The following TSEN54 variants were observed in gnomAD, a reference collection of about 807,000 sequenced individuals.
TSEN54 encodes tRNA splicing endonuclease subunit 54.
TSEN54 carries 55 observed loss-of-function variants against 61.9 expected under a neutral mutation model. The observed-to-expected ratio is 0.89, with a 90% CI of 0.72 to 1.11. TSEN54 has a LOEUF of 1.11. TSEN54 is among the 50% of genes most tolerant of loss of function. The pLI is 0.00. For missense variants in TSEN54, 760 were observed against 687.7 expected (o/e 1.11, Z -1.18); for synonymous variants, 304 against 288.7 (o/e 1.05, Z -0.54).
At position 75,521,691 on chromosome 17, in the gene TSEN54, C is replaced by T; in HGVS notation, c.624-14C>T. On this transcript the variant is annotated splice_polypyrimidine_tract_variant and intron_variant, in intron 7 of 10. Transcript: ENST00000333213. ...CCAGGGGCAGATGTGCTGCTTTTCC[C>T]CCACGTCCCTCAGGTCCATTAATAA... 1.2e-6 allele frequency: 2 copies of T among 1,612,776 alleles called. No homozygotes were observed. The highest frequency in any genetic ancestry group is 1.7e-4 in the Middle Eastern group (1 of 6,060).
chr17:75,522,187 ATCCCG>A lies in TSEN54; in HGVS notation c.1107_1111del (p.Asp369GlufsTer64). 1.3e-6 allele frequency: 2 copies of A among 1,549,492 alleles called. No individual in the cohort carries two copies. The highest frequency in any genetic ancestry group is 2.4e-5 in the South Asian group (2 of 84,272). ...CAGTTCCAGGAAGATGTCAACGCCG[ATCCCG>A]AGGTGCAGCGGTGCTCCAGCTGGCG... is the stretch of plus-strand genomic sequence containing the variant. On this transcript the variant is annotated frameshift_variant, in exon 8 of 11. Coordinates refer to ENST00000333213, the MANE Select transcript of TSEN54 (RefSeq NM_207346.3). LOFTEE classifies it high-confidence loss of function.
In TSEN54 at chr17:75,522,207, T is replaced by C; in HGVS notation, c.1126T>C (p.Ser376Pro). Reference sequence around the variant, plus strand: ...CGCCGATCCCGAGGTGCAGCGGTGCTCCAGCTGGCGGGAGTACAAGGAGCT... The same window carrying C: ...CGCCGATCCCGAGGTGCAGCGGTGCCCCAGCTGGCGGGAGTACAAGGAGCT... The part of the protein sequence containing the change: ...VNADPEVQRC[S>P]SWREYKELLQ... Residue 376 changes from serine to proline, a missense_variant, in exon 8 of 11, where the codon TCC (serine) becomes CCC (proline). This residue lies in a region of TSEN54 where 667 missense variants were observed against 577.8 expected (regional missense o/e 1.15). Transcript: ENST00000333213. The C allele has an allele frequency of 1.3e-6, 2 of 1,547,868 alleles. No individual in the cohort carries two copies. Among genetic ancestry groups the C allele is most frequent in the Non-Finnish European group, 1.7e-6 (2 of 1,144,384 alleles).
chr17:75,518,315 A>G (rs1370990495), intron 5 of TSEN54, among the ~76,000 whole-genome samples: 1 of 152,176 alleles, frequency 6.6e-6, no homozygotes, highest in African/African-American at 2.4e-5. Flanking sequence ...GCTGTATGGG[A>G]GTGCCATCAG....
At position 75,523,766 on chromosome 17, in the gene TSEN54, A is replaced by G. The variant is rs141822287; in HGVS notation, c.1417A>G (p.Met473Val). The part of the protein sequence containing the change: ...KNNPGKPYAR[M>V]CISGFDEPVP... ...TAACCCTGGCAAACCCTATGCCCGG[A>G]TGTGCATTAGTGGGTACGCAGTGAG... The change falls in exon 10 of 11, where the codon ATG becomes GTG. Residue 473 changes from methionine (M) to valine (V), a missense_variant. Met to Val is a conservative substitution (Grantham distance 21, BLOSUM62 1). Transcript: ENST00000333213. 1.9e-6 allele frequency: 3 copies of G among 1,613,700 alleles called. No individual in the cohort carries two copies. Among genetic ancestry groups the G allele is most frequent in the Admixed American group, 1.7e-5 (1 of 59,980 alleles).
Position 75,519,165 on chromosome 17 carries a change from G to A in TSEN54, c.521+118G>A, listed in dbSNP as rs890400713. On this transcript the variant is annotated intron_variant, in intron 6 of 10. Coordinates refer to ENST00000333213, the MANE Select transcript of TSEN54 (RefSeq NM_207346.3). ...CCCTTGGCTGGAGTGCAGTTCCTTG[G>A]GCACAGACTGGGGGCGCCTGCTGGA... 6.0e-6 allele frequency: 7 copies of A among 1,169,066 alleles called. No individual in the cohort carries two copies. In the Admixed American group the frequency reaches 6.8e-5, roughly 11 times the overall value. The allele number at this position is 1,169,066 out of a possible 1,614,324, so 72.4% of individuals were successfully genotyped here. A position where few individuals can be genotyped will look rare whatever the true frequency, so the allele number is the denominator to read the frequency against.
At position 75,516,855 on chromosome 17, in the gene TSEN54, C is replaced by T. The variant is rs1238085268; in HGVS notation, c.166C>T (p.Arg56Cys). The change falls in exon 2 of 11, where the codon CGC becomes TGC. Residue 56 changes from arginine to cysteine, a missense_variant. Coordinates refer to ENST00000333213, the MANE Select transcript of TSEN54 (RefSeq NM_207346.3). ...DGSAAQAERL[R>C]RCREELWQLL... is the part of the protein sequence containing the mutation. ...CTCGGCAGCTCAGGCCGAGCGGCTGCGCCGGTGCCGGGAAGAGCTCTGGCA... is the reference window on the plus strand; with the variant it reads ...CTCGGCAGCTCAGGCCGAGCGGCTGTGCCGGTGCCGGGAAGAGCTCTGGCA... 1.0e-5 allele frequency: 16 copies of T among 1,573,962 alleles called. No individual in the cohort carries two copies. The highest frequency in any genetic ancestry group is 5.7e-5 in the South Asian group (5 of 87,898).
At position 75,523,722 on chromosome 17, in the gene TSEN54, T is replaced by C. The variant is rs1156948164; in HGVS notation, c.1373T>C (p.Val458Ala). 2.0e-5 allele frequency: 33 copies of C among 1,614,148 alleles called. No homozygotes were observed. The highest frequency in any genetic ancestry group is 2.5e-5 in the Non-Finnish European group (30 of 1,180,018). Residue 458 changes from valine (V) to alanine (A), a missense_variant, in exon 10 of 11, where the codon GTG becomes GCG. This residue lies in a region of TSEN54 where 10 missense variants were observed against 27.0 expected (regional missense o/e 0.37). Coordinates refer to ENST00000333213, the MANE Select transcript of TSEN54 (RefSeq NM_207346.3). ...IIFDVYQADA[V>A]ATFRKNNPGK... Reference sequence around the variant, plus strand: ...TTTGATGTTTACCAGGCCGACGCTGTGGCCACATTCCGAAAGAATAACCCT... The same window carrying C: ...TTTGATGTTTACCAGGCCGACGCTGCGGCCACATTCCGAAAGAATAACCCT...
chr17:75,517,642 T>G lies in TSEN54; in HGVS notation c.455T>G (p.Phe152Cys), dbSNP rs376993581. ...QLLLTDHTVT[F>C]LQYQVFSHLK... ...CTGCTGACCGACCACACTGTGACCT[T>G]CCTGCAGTACCAGGTATCTGCCACC... Residue 152 changes from phenylalanine (F) to cysteine (C), a missense_variant, in exon 5 of 11, where the codon TTC becomes TGC. Transcript: ENST00000333213. The G allele has an allele frequency of 8.7e-6, 14 of 1,613,732 alleles. No homozygotes were observed. The highest frequency in any genetic ancestry group is 1.1e-5 in the Non-Finnish European group (13 of 1,179,954).
At position 75,517,544 on chromosome 17, in the gene TSEN54, G is replaced by A. The variant is rs530717691; in HGVS notation, c.370-13G>A. 1.3e-5 allele frequency: 21 copies of A among 1,611,486 alleles called. No homozygotes were observed. The South Asian group carries it at 2.2e-4, about 17-fold the overall frequency. On this transcript the variant is annotated splice_polypyrimidine_tract_variant and intron_variant, in intron 4 of 10. Transcript: ENST00000333213. Reference sequence around the variant, plus strand: ...TGAGGGCTCATAAGCTGAGCTGTTGGCCCCACTTCCAGGGCTCCATCCACC... The same window carrying A: ...TGAGGGCTCATAAGCTGAGCTGTTGACCCCACTTCCAGGGCTCCATCCACC...
In TSEN54 at chr17:75,516,888, G is replaced by C. The variant is rs1462830454; in HGVS notation, c.199G>C (p.Ala67Pro). ...RCREELWQLL[A>P]EQRVERLGSL... Reference sequence around the variant, plus strand: ...CCGGGAAGAGCTCTGGCAGCTGCTGGCAGAGCAGCGCGTGGAGCGCCTGTG... The same window carrying C: ...CCGGGAAGAGCTCTGGCAGCTGCTGCCAGAGCAGCGCGTGGAGCGCCTGTG... The change falls in exon 2 of 11, where the codon GCA becomes CCA. Residue 67 changes from alanine (A) to proline (P), a missense_variant. Transcript: ENST00000333213. The C allele has an allele frequency of 1.3e-6, 2 of 1,552,874 alleles. No individual in the cohort carries two copies. The highest frequency in any genetic ancestry group is 1.2e-5 in the South Asian group (1 of 85,878).
Position 75,523,747 on chromosome 17 carries a change from TG to T in TSEN54, c.1400del (p.Gly467AlafsTer34). On this transcript the variant is annotated frameshift_variant, in exon 10 of 11. Transcript: ENST00000333213. LOFTEE classifies it high-confidence loss of function. ...AVATFRKNNP[G>X]KPYARMCISG... ...TGGCCACATTCCGAAAGAATAACCC[TG>T]GCAAACCCTATGCCCGGATGTGCAT... 6.2e-7 allele frequency: 1 copy of T among 1,614,068 alleles called. No homozygotes were observed. The highest frequency in any genetic ancestry group is 8.5e-7 in the Non-Finnish European group (1 of 1,179,986).
chr17:75,518,398 G>A (rs116530166), intron 5 of TSEN54: 44 of 369,028 alleles, frequency 1.2e-4, no homozygotes, highest in African/African-American at 8.2e-4. Flanking sequence ...GAAACAGACC[G>A]AGGAGTGTCT....
rs190209236 is a variant in TSEN54, at chr17:75,520,585, C to A, written c.522-824C>A. 1.5e-3 allele frequency among the ~76,000 whole-genome samples: 199 copies of A among 131,742 alleles called. 1 individual carries two copies. Among genetic ancestry groups the A allele is most frequent in the African/African-American group, 4.9e-3 (166 of 33,958 alleles). 86.4% of individuals were successfully genotyped at this position (131,742 alleles called of 152,430 possible). A position where few individuals can be genotyped will look rare whatever the true frequency, so the allele number is the denominator to read the frequency against. Reference sequence around the variant, plus strand: ...TGGGCGAAAAAGCGAAACTCTATCTCAAAAAAAAAAGCAAACTTAAATAGC... The same window carrying A: ...TGGGCGAAAAAGCGAAACTCTATCTAAAAAAAAAAAGCAAACTTAAATAGC... On this transcript the variant is annotated intron_variant, in intron 6 of 10. Transcript: ENST00000333213.
intron 9 of TSEN54, 116 bp from the exon 10 acceptor site, chr17:75,523,547 C>G: frequency 6.2e-7 from 1 of 1,611,220 alleles, no homozygotes; most frequent in Non-Finnish European, 8.5e-7. Context: ...GCCCCCAACC[C>G]TCAAGTGGCA....
chr17:75,523,804 C>A, intron 10 of TSEN54, 25 bp downstream of exon 10: 1 of 1,609,472 alleles, frequency 6.2e-7, no homozygotes, highest in East Asian at 2.2e-5. Context: ...AGCACTGCCC[C>A]TCCCCCAGCT....
chr17:75,521,347 C>A, intron 6 of TSEN54, 62 bp from the exon 7 acceptor site: 1 of 1,401,414 alleles, frequency 7.1e-7, no homozygotes, highest in Non-Finnish European at 1.0e-6. Context: ...CCTTACACAT[C>A]CCACCAGATC....
chr17:75,522,408 A>G (rs1568003888), intron 8 of TSEN54, 75 bp downstream of exon 8: 1 of 1,534,492 alleles, frequency 6.5e-7, no homozygotes, highest in East Asian at 2.4e-5. Flanking sequence ...AAGGGCATGG[A>G]TGAACTGGGA....
chr17:75,522,472 T>C, intron 8 of TSEN54, 139 bp downstream of exon 8: 1 of 1,509,156 alleles, frequency 6.6e-7, no homozygotes, highest in Non-Finnish European at 8.8e-7. Flanking sequence ...ACAAGCACGG[T>C]CAGTTCTCCG....
rs760089379 is a variant in TSEN54, at chr17:75,522,151, C to T, written c.1070C>T (p.Ala357Val). The change falls in exon 8 of 11, where the codon GCG becomes GTG. Residue 357 changes from alanine (A) to valine (V), a missense_variant. Coordinates refer to ENST00000333213, the MANE Select transcript of TSEN54 (RefSeq NM_207346.3). ...KLSRREREHH[A>V]EAAQFQEDVN... ...TCCAGGCGGGAACGGGAGCACCACG[C>T]GGAGGCCGCGCAGTTCCAGGAAGAT... is the stretch of plus-strand genomic sequence containing the variant. 10 of 1,557,058 alleles carry T rather than the reference C, an allele frequency of 6.4e-6. No homozygotes were observed. The East Asian group carries it at 1.4e-4, about 23-fold the overall frequency.
Sources: gnomAD v4.1 joint callset for allele counts (sites outside exome capture counted in the v4.1 genomes callset) on GRCh38, gnomAD v4.1.1 for gene constraint, gnomAD v4.1.1 regional missense constraint, MANE v1.5 for transcripts, NCBI Gene and HGNC (gene_info 2026-07-23, HGNC 2026-07-21) for gene names.